Variants in WARS1 observed in about 807,000 individuals in gnomAD.
WARS1 encodes tryptophan--tRNA ligase, cytoplasmic.
A neutral mutation model predicts 47.8 loss-of-function variants in WARS1; 17 were observed. The ratio of observed to expected loss-of-function variants is 0.36; its 90% CI spans 0.24 to 0.53. The LOEUF (loss-of-function observed/expected upper bound fraction) is 0.53. Ranked by LOEUF, WARS1 falls within the 20% of genes least tolerant of loss-of-function variation. The pLI, the probability that WARS1 is intolerant of heterozygous loss-of-function variation, is 0.91. For missense variants in WARS1, 434 were observed against 608.0 expected, an observed-to-expected ratio of 0.71 and a Z score of 3.01; for synonymous variants, 208 against 228.1, an observed-to-expected ratio of 0.91 and a Z score of 0.79.
rs141619353 is a variant in WARS1, at chr14:100,353,957, C to A, written c.543-88G>T. ...CATCTGAAAACACAGCTCCTACTTA[C>A]AACGTATGTTAAAACTTCCTTGCCT... On this transcript the variant is annotated intron_variant, in intron 5 of 10. Transcript: ENST00000392882. 1.4e-4 allele frequency: 181 copies of A among 1,256,458 alleles called. No homozygotes were observed. In the African/African-American group the frequency reaches 2.0e-3, roughly 14 times the overall value. 77.8% of individuals were successfully genotyped at this position (1,256,458 alleles called of 1,614,324 possible).
chr14:100,346,273 C>T (rs1353474092), intron 7 of WARS1, among the ~76,000 whole-genome samples: 1 of 152,136 alleles, frequency 6.6e-6, no homozygotes. Context: ...GGGAAGGCTC[C>T]AGAAGACCTC....
intron 4 of WARS1, among the ~76,000 whole-genome samples, chr14:100,354,782 T>G (rs1895206815): frequency 6.6e-6 from 1 of 152,156 alleles, no homozygotes; most frequent in African/African-American, 2.4e-5. Context: ...ATGTGTAGGT[T>G]TGGAATAATG....
chr14:100,372,566 C>G (rs536694931), intron 1 of WARS1, among the ~76,000 whole-genome samples: 2 of 152,258 alleles, frequency 1.3e-5, no homozygotes, highest in East Asian at 3.9e-4. Flanking sequence ...CTCAGGCTCT[C>G]CCATTCCCTC....
intron 6 of WARS1, among the ~76,000 whole-genome samples, chr14:100,350,229 TA>T (rs1894879573): frequency 6.6e-6 from 1 of 151,684 alleles, no homozygotes; most frequent in African/African-American, 2.4e-5. Flanking sequence ...CCGTTTCTAC[TA>T]AAAATACAAA....
At chr14:100,363,542 A>C (rs1895778913) in intron 2 of WARS1, among the ~76,000 whole-genome samples, 2 of 152,054 alleles carry the variant, frequency 1.3e-5, no homozygotes, top group Non-Finnish European at 2.9e-5. Context: ...CCAAAAATAG[A>C]AAAAATTAGC....
At chr14:100,372,080 C>T (rs1028771182) in intron 1 of WARS1, among the ~76,000 whole-genome samples, 5 of 152,156 alleles carry the variant, frequency 3.3e-5, no homozygotes, top group Admixed American at 2.6e-4. Context: ...GCCACCTGCC[C>T]GCCAGAGAAC....
chr14:100,346,886 G>C (rs778776103), intron 6 of WARS1, 40 bp from the exon 7 acceptor site: 34 of 1,569,506 alleles, frequency 2.2e-5, no homozygotes. Flanking sequence ...ACGGAGGGCG[G>C]CCTTCACTGA....
intron 9 of WARS1, among the ~76,000 whole-genome samples, chr14:100,341,473 G>T (rs1213930019): frequency 6.6e-6 from 1 of 152,152 alleles, no homozygotes; most frequent in Admixed American, 6.5e-5. Context: ...ACGGTCAGGG[G>T]CAGTGACTCA....
chr14:100,339,590 C>CAG lies in WARS1; in HGVS notation c.1114-2389_1114-2388insCT, dbSNP rs531997500. Among the ~76,000 whole-genome samples, 3 of 78,648 alleles carry CAG rather than the reference C, an allele frequency of 3.8e-5. No homozygotes were observed. The East Asian group carries it at 1.1e-3, about 30-fold the overall frequency. The allele number at this position is 78,648 out of a possible 152,430, so 51.6% of individuals were successfully genotyped here. A position where few individuals can be genotyped will look rare whatever the true frequency, so the allele number is the denominator to read the frequency against. ...TGGGCGACAGAGTGAGACTCCGTCT[C>CAG]AAAAAAAAAAAAAAAAAAAGGAAAA... On this transcript the variant is annotated intron_variant, in intron 9 of 10. Coordinates refer to ENST00000392882, the MANE Select transcript of WARS1 (RefSeq NM_004184.4).
chr14:100,370,773 C>CA (rs1327716846), intron 1 of WARS1, among the ~76,000 whole-genome samples: 1 of 94,778 alleles, frequency 1.1e-5, no homozygotes, highest in African/African-American at 3.2e-5. Context: ...TGAGACTCTA[C>CA]AAAAAAATGA....
At chr14:100,374,024 G>C (rs550680076) in intron 1 of WARS1, 51 of 152,280 alleles carry the variant, frequency 3.3e-4, no homozygotes, top group African/African-American at 1.0e-3. Context: ...TCAGAATTGA[G>C]TTGAACTTCA....
At chr14:100,341,239 T>C (rs1894142795) in intron 9 of WARS1, among the ~76,000 whole-genome samples, 1 of 152,174 alleles carries the variant, frequency 6.6e-6, no homozygotes, top group Non-Finnish European at 1.5e-5. Context: ...TCCAAACAAC[T>C]TCTCAGAAGC....
intron 6 of WARS1, chr14:100,352,873 A>C (rs1267205287): frequency 5.9e-5 from 9 of 152,222 alleles, no homozygotes; most frequent in Non-Finnish European, 1.5e-5. Context: ...TTGGGATGAA[A>C]CTTGAAGGAT....
chr14:100,365,126 C>CAT (rs1433330879), intron 2 of WARS1, among the ~76,000 whole-genome samples: 3 of 135,136 alleles, frequency 2.2e-5, no homozygotes, highest in Admixed American at 1.5e-4. Context: ...TCAAAAAATA[C>CAT]ACACACACAC....
intron 2 of WARS1, among the ~76,000 whole-genome samples, chr14:100,364,248 A>C (rs754243011): frequency 2.2e-4 from 34 of 152,268 alleles, no homozygotes; most frequent in Non-Finnish European, 1.8e-4. Context: ...CCTAAGACCT[A>C]GCATTGCTTC....
intron 6 of WARS1, among the ~76,000 whole-genome samples, chr14:100,351,113 T>C (rs571421042): frequency 2.6e-5 from 4 of 152,058 alleles, no homozygotes; most frequent in African/African-American, 9.6e-5. Context: ...CTCAATGTCA[T>C]CTAAGGAGGA....
chr14:100,367,055 A>G, intron 2 of WARS1: 1 of 717,584 alleles, frequency 1.4e-6, no homozygotes, highest in South Asian at 2.1e-5. Flanking sequence ...GATTAAAAAA[A>G]AAAATCTCAG....
intron 3 of WARS1, 71 bp downstream of exon 3, chr14:100,361,637 C>A: frequency 6.8e-7 from 1 of 1,470,308 alleles, no homozygotes. Context: ...TTAAAAACAT[C>A]AATGGAATCA....
rs1027704228 is a variant in WARS1 at position 100,369,304 on chromosome 14, A to G, written c.-73-46T>C. On this transcript the variant is annotated intron_variant, in intron 1 of 10. Coordinates refer to ENST00000392882, the MANE Select transcript of WARS1 (RefSeq NM_004184.4). ...GAGAGAGAGGAAAAACCAGAGGTTA[A>G]CACAACATCGCGGCTGTTTTTCCTT... The G allele has an allele frequency of 4.5e-5, 29 of 643,510 alleles. No homozygotes were observed. In the African/African-American group the frequency reaches 5.1e-4, roughly 11 times the overall value. The allele number at this position is 643,510 out of a possible 1,614,324, so 39.9% of individuals were successfully genotyped here.
Sources: gnomAD v4.1 joint callset for allele counts (sites outside exome capture counted in the v4.1 genomes callset) on GRCh38, gnomAD v4.1.1 for gene constraint, MANE v1.5 for transcripts, NCBI Gene and HGNC (gene_info 2026-07-23, HGNC 2026-07-21) for gene names.